ALOX5AP: variants seen among roughly 807,000 people sequenced by gnomAD.
ALOX5AP encodes arachidonate 5-lipoxygenase-activating protein.
Under a neutral mutation model 18.5 loss-of-function variants are expected in ALOX5AP, and 9 were observed. The ratio of observed to expected loss-of-function variants is 0.49; its 90% CI spans 0.29 to 0.85. ALOX5AP has a LOEUF of 0.85. Ranked by LOEUF, ALOX5AP falls within the 40% of genes least tolerant of loss-of-function variation. The probability of loss-of-function intolerance (pLI) is 0.08; values close to 1 mark genes in which losing one functional copy is unlikely to be tolerated. For synonymous variants in ALOX5AP, 81 were observed against 78.6 expected (o/e 1.03, Z -0.16); for missense variants, 172 against 202.5 (o/e 0.85, Z 0.91).
At chr13:30,743,845 G>A (rs776109876) in intron 1 of ALOX5AP, among the ~76,000 whole-genome samples, 4 of 152,024 alleles carry the variant, frequency 2.6e-5, no homozygotes, top group Admixed American at 6.6e-5. Context: ...AGTGGGGGCC[G>A]TGCCTTGCTC....
chr13:30,730,511 C>G (rs139496667), intron 1 of ALOX5AP, among the ~76,000 whole-genome samples: 16 of 152,326 alleles, frequency 1.1e-4, no homozygotes, highest in African/African-American at 3.6e-4. Flanking sequence ...AGCCTGTAGA[C>G]CTGGGCTGTA....
intron 4 of ALOX5AP, among the ~76,000 whole-genome samples, chr13:30,762,265 C>T (rs1232405118): frequency 6.6e-6 from 1 of 152,186 alleles, no homozygotes; most frequent in Non-Finnish European, 1.5e-5. Flanking sequence ...TACATAATGG[C>T]TGAGTGACTT....
chr13:30,735,566 T>C lies in ALOX5AP; in HGVS notation c.-40T>C, dbSNP rs78236471. ...TCCTGTACAGGGCAGGTTGTGCAGC[T>C]GGAGGCAGAGCAGTCCTCTCTGGGG... On this transcript the variant is annotated 5_prime_UTR_variant, in exon 1 of 5. Coordinates refer to ENST00000380490, the MANE Select transcript of ALOX5AP (RefSeq NM_001629.4). 8.2e-4 allele frequency: 1,329 copies of C among 1,613,206 alleles called. 15 individuals are homozygous for C. The African/African-American group carries it at 0.014, about 17-fold the overall frequency.
chr13:30,750,841 C>A (rs768120598), intron 2 of ALOX5AP, among the ~76,000 whole-genome samples: 1 of 152,158 alleles, frequency 6.6e-6, no homozygotes, highest in Non-Finnish European at 1.5e-5. Context: ...GAGTAGATGT[C>A]AGAGTCATTC....
chr13:30,743,040 T>G (rs1241513357), intron 1 of ALOX5AP, among the ~76,000 whole-genome samples: 3 of 152,162 alleles, frequency 2.0e-5, no homozygotes, highest in African/African-American at 7.2e-5. Context: ...GATGACAACA[T>G]TCCTCTGCTT....
At chr13:30,745,343 G>A (rs1190863015) in intron 2 of ALOX5AP, among the ~76,000 whole-genome samples, 3 of 152,144 alleles carry the variant, frequency 2.0e-5, no homozygotes, top group African/African-American at 4.8e-5. Context: ...GGCCACTCTC[G>A]AACGCATTAG....
At chr13:30,723,919 T>G (rs1375160793) in intron 1 of ALOX5AP, among the ~76,000 whole-genome samples, 1 of 152,176 alleles carries the variant, frequency 6.6e-6, no homozygotes, top group East Asian at 1.9e-4. Context: ...TTTGAAATGC[T>G]CTTTTAAAAT....
At chr13:30,727,800 A>AACC (rs1951650652) in intron 1 of ALOX5AP, among the ~76,000 whole-genome samples, 1 of 152,190 alleles carries the variant, frequency 6.6e-6, no homozygotes, top group East Asian at 1.9e-4. Flanking sequence ...GTTCTAGCCC[A>AACC]ACCTGTGGTT....
At chr13:30,717,931 G>A (rs543657803) in intron 1 of ALOX5AP, among the ~76,000 whole-genome samples, 150 of 151,706 alleles carry the variant, frequency 9.9e-4, no homozygotes, top group Non-Finnish European at 1.9e-3. Context: ...AAAGGGGTAG[G>A]GGGAGTAGGT....
At chr13:30,723,412 T>C (rs1593427056) in intron 1 of ALOX5AP, among the ~76,000 whole-genome samples, 2 of 152,218 alleles carry the variant, frequency 1.3e-5, no homozygotes. Context: ...TCTGGTCACC[T>C]TACCTTAGAG....
chr13:30,726,900 A>C (rs1479610355), intron 1 of ALOX5AP, among the ~76,000 whole-genome samples: 1 of 152,074 alleles, frequency 6.6e-6, no homozygotes, highest in Non-Finnish European at 1.5e-5. Flanking sequence ...ATGGTAGTTA[A>C]CTTTATATCT....
At chr13:30,719,501 T>C (rs1048449252) in intron 1 of ALOX5AP, among the ~76,000 whole-genome samples, 4 of 152,198 alleles carry the variant, frequency 2.6e-5, no homozygotes, top group Non-Finnish European at 4.4e-5. Context: ...TCTCCTCATT[T>C]CTCCTTACTT....
intron 4 of ALOX5AP, among the ~76,000 whole-genome samples, chr13:30,757,840 T>C (rs1951909021): frequency 6.6e-6 from 1 of 152,220 alleles, no homozygotes; most frequent in South Asian, 2.1e-4. Flanking sequence ...AATAGGAGAT[T>C]GATTTACAAG....
intron 4 of ALOX5AP, 56 bp from the exon 5 acceptor site, chr13:30,763,888 G>T: frequency 6.6e-7 from 1 of 1,524,546 alleles, no homozygotes; most frequent in Admixed American, 1.9e-5. Flanking sequence ...TTTTGTGTGT[G>T]TGAAATTGGT....
chr13:30,755,937 C>T lies in ALOX5AP; in HGVS notation c.242-7C>T, dbSNP rs1951889845. On this transcript the variant is annotated splice_region_variant and splice_polypyrimidine_tract_variant and intron_variant, in intron 3 of 4. Transcript: ENST00000380490. ...ACTGACACAGGTGTTTTCATTTCTC[C>T]ACTTAGTTCCTGCTGCGTTTGCTGG... is the stretch of plus-strand genomic sequence containing the variant. 6.2e-7 allele frequency: 1 copy of T among 1,613,802 alleles called. No homozygotes were observed. Among genetic ancestry groups the T allele is most frequent in the East Asian group, 2.2e-5 (1 of 44,866 alleles).
At chr13:30,715,667 C>T (rs548973419) in intron 1 of ALOX5AP, among the ~76,000 whole-genome samples, 1 of 152,334 alleles carries the variant, frequency 6.6e-6, no homozygotes, top group South Asian at 2.1e-4. Context: ...GTGGAGGCCA[C>T]ATTCGTGTTG....
rs751407849 is a variant in ALOX5AP, at chr13:30,764,145, A to T, written c.*39A>T. On this transcript the variant is annotated 3_prime_UTR_variant, in exon 5 of 5. Coordinates refer to ENST00000380490, the MANE Select transcript of ALOX5AP (RefSeq NM_001629.4). The stretch of plus-strand genomic sequence containing the variant: ...ATGGGGTTGGTGTTCTCATCTAATC[A>T]ATACCTACAAGTCATCATAATTCAG... 3.8e-6 allele frequency: 6 copies of T among 1,590,556 alleles called. No individual in the cohort carries two copies. The highest frequency in any genetic ancestry group is 1.7e-5 in the Admixed American group (1 of 58,272).
chr13:30,734,255 C>A (rs559226216), upstream of ALOX5AP, among the ~76,000 whole-genome samples: 3 of 152,290 alleles, frequency 2.0e-5, no homozygotes, highest in Non-Finnish European at 2.9e-5. Flanking sequence ...TCCCCGCACA[C>A]AACTCTGCAC....
chr13:30,752,556 A>C (rs1951860997), intron 3 of ALOX5AP, among the ~76,000 whole-genome samples: 1 of 152,190 alleles, frequency 6.6e-6, no homozygotes, highest in Non-Finnish European at 1.5e-5. Context: ...TGGATGCCAC[A>C]TCCCCGGCCT....
Sources: allele counts gnomAD v4.1 joint callset (sites outside exome capture counted in the v4.1 genomes callset), GRCh38; gene constraint gnomAD v4.1.1; transcripts MANE v1.5; gene names NCBI Gene and HGNC (gene_info 2026-07-23, HGNC 2026-07-21).